MANEA: variants seen among roughly 807,000 people sequenced by gnomAD.
The protein encoded by MANEA is glycoprotein endo-alpha-1,2-mannosidase.
MANEA carries 25 observed loss-of-function variants against 36.8 expected under a neutral mutation model. The observed-to-expected ratio is 0.68, with a 90% CI of 0.50 to 0.95. The LOEUF (loss-of-function observed/expected upper bound fraction) is 0.95. MANEA is among the 40% of genes least tolerant of loss of function. MANEA has a pLI of 0.00. For missense variants in MANEA, 565 were observed against 558.8 expected, an observed-to-expected ratio of 1.01 and a Z score of -0.11; for synonymous variants, 198 against 188.5, an observed-to-expected ratio of 1.05 and a Z score of -0.41.
At chr6:95,605,473 T>C (rs1426439349) in intron 4 of MANEA, among the ~76,000 whole-genome samples, 1 of 152,210 alleles carries the variant, frequency 6.6e-6, no homozygotes, top group African/African-American at 2.4e-5. Flanking sequence ...TTATTTATAA[T>C]GTAGAGACAT....
chr6:95,607,221 T>C lies in MANEA; in HGVS notation c.*816T>C, dbSNP rs1769734047. Reference sequence around the variant, plus strand: ...GAAAAAGTTACTGATTGCTTCTCAGTTATTAGGAAAACAGTTGTTTCACAA... The same window carrying C: ...GAAAAAGTTACTGATTGCTTCTCAGCTATTAGGAAAACAGTTGTTTCACAA... On this transcript the variant is annotated 3_prime_UTR_variant, in exon 5 of 5. Coordinates refer to ENST00000358812, the MANE Select transcript of MANEA (RefSeq NM_024641.4). 1 of 152,150 alleles carries C rather than the reference T, an allele frequency of 6.6e-6. No individual in the cohort carries two copies. Among genetic ancestry groups the C allele is most frequent in the Admixed American group, 6.6e-5 (1 of 15,256 alleles). The allele number at this position is 152,150 out of a possible 1,614,324, so 9.4% of individuals were successfully genotyped here. A position where few individuals can be genotyped will look rare whatever the true frequency, so the allele number is the denominator to read the frequency against.
At chr6:95,604,434 T>C (rs1769663223) in intron 3 of MANEA, among the ~76,000 whole-genome samples, 1 of 151,946 alleles carries the variant, frequency 6.6e-6, no homozygotes, top group African/African-American at 2.4e-5. Context: ...GAAACATTTT[T>C]ATAAGGAGTA....
intron 1 of MANEA, among the ~76,000 whole-genome samples, chr6:95,579,189 A>G (rs1307549715): frequency 6.6e-6 from 1 of 152,204 alleles, no homozygotes; most frequent in Non-Finnish European, 1.5e-5. Flanking sequence ...GCCAACCAAC[A>G]TGGTGAAACC....
intron 3 of MANEA, among the ~76,000 whole-genome samples, chr6:95,603,089 A>C (rs1769630474): frequency 6.6e-6 from 1 of 151,480 alleles, no homozygotes. Flanking sequence ...GAAATTAGAA[A>C]TACATGAGGG....
chr6:95,604,194 A>G (rs1769660312), intron 3 of MANEA, among the ~76,000 whole-genome samples: 1 of 151,634 alleles, frequency 6.6e-6, no homozygotes, highest in African/African-American at 2.4e-5. Context: ...AAATTCTTTA[A>G]TAGAAGTTAA....
At chr6:95,605,632 G>T in intron 4 of MANEA, 116 bp from the exon 5 acceptor site, 1 of 674,492 alleles carries the variant, frequency 1.5e-6, no homozygotes, top group Non-Finnish European at 2.6e-6. Flanking sequence ...ATTCCCCTAA[G>T]AAATGGAGCA....
intron 1 of MANEA, among the ~76,000 whole-genome samples, chr6:95,584,570 C>T (rs1769245254): frequency 6.6e-6 from 1 of 152,206 alleles, no homozygotes; most frequent in African/African-American, 2.4e-5. Context: ...AGTAGGTGCA[C>T]AGCTGAACAT....
chr6:95,602,584 A>G (rs1769612993), intron 3 of MANEA, among the ~76,000 whole-genome samples: 1 of 152,204 alleles, frequency 6.6e-6, no homozygotes. Context: ...GGGAATGTTT[A>G]TATTCTTATT....
In MANEA at chr6:95,586,763, C is replaced by T. The variant is rs1769291280; in HGVS notation, c.324C>T (p.Tyr108=). The change falls in exon 2 of 5, where the codon TAC becomes TAT. Residue 108 remains tyrosine, a synonymous_variant. Coordinates refer to ENST00000358812, the MANE Select transcript of MANEA (RefSeq NM_024641.4). Reference sequence around the variant, plus strand: ...ACAATTATCTACATGTATTTTATTACAGTTGGTATGGAAATCCACAATTTG... The same window carrying T: ...ACAATTATCTACATGTATTTTATTATAGTTGGTATGGAAATCCACAATTTG... ...PLNNYLHVFY[Y]SWYGNPQFDG... is the part of the protein sequence containing the mutation. 1.1e-5 allele frequency: 18 copies of T among 1,613,260 alleles called. No homozygotes were observed. The highest frequency in any genetic ancestry group is 1.4e-5 in the Non-Finnish European group (16 of 1,179,412).
intron 1 of MANEA, among the ~76,000 whole-genome samples, chr6:95,582,065 T>A (rs1411647062): frequency 6.7e-6 from 1 of 148,254 alleles, no homozygotes; most frequent in African/African-American, 2.5e-5. Context: ...TCATGTCTCA[T>A]CAAAATTTTC....
At chr6:95,587,696 A>G (rs1769314240) in intron 2 of MANEA, among the ~76,000 whole-genome samples, 1 of 151,898 alleles carries the variant, frequency 6.6e-6, no homozygotes, top group Non-Finnish European at 1.5e-5. Context: ...GGCTTTTTCA[A>G]ATTTTAGGCA....
chr6:95,606,313 G>C lies in MANEA; in HGVS notation c.1297G>C (p.Gly433Arg). The change falls in exon 5 of 5, where the codon GGT becomes CGT. Residue 433 changes from glycine (G) to arginine (R), a missense_variant. Physicochemically the swap from Gly to Arg is moderately radical, Grantham distance 125 (BLOSUM62 -2). Transcript: ENST00000358812. ...CCTAGATTACCGTCCTCATAAACCA[G>C]GTCTTTACCTAGAACTGACTCGCAA... ...VYLDYRPHKP[G>R]LYLELTRKWS... 1 of 1,611,726 alleles carries C rather than the reference G, an allele frequency of 6.2e-7. No homozygotes were observed. The highest frequency in any genetic ancestry group is 8.5e-7 in the Non-Finnish European group (1 of 1,179,874).
At chr6:95,587,175 T>G in intron 2 of MANEA, 192 bp downstream of exon 2, 1 of 489,358 alleles carries the variant, frequency 2.0e-6, no homozygotes, top group Non-Finnish European at 3.7e-6. Flanking sequence ...TTAGTGTATA[T>G]TGTTTAATTT....
Position 95,586,697 on chromosome 6 carries a change from C to T in MANEA, c.258C>T (p.Ser86=). ...LKSVEITMKP[S]KASELNLDEL... ...GTGTTGAAATCACTATGAAACCTTC[C>T]AAAGCCTCTGAACTTAACTTGGATG... Residue 86 remains serine (S), a synonymous_variant, in exon 2 of 5, where the codon TCC becomes TCT. Transcript: ENST00000358812. The T allele has an allele frequency of 6.2e-7, 1 of 1,613,942 alleles. No individual in the cohort carries two copies. The highest frequency in any genetic ancestry group is 2.2e-5 in the East Asian group (1 of 44,856).
At position 95,604,819 on chromosome 6, in the gene MANEA, T is replaced by C; in HGVS notation, c.655-8T>C. On this transcript the variant is annotated splice_region_variant and splice_polypyrimidine_tract_variant and intron_variant, in intron 3 of 4. Coordinates refer to ENST00000358812, the MANE Select transcript of MANEA (RefSeq NM_024641.4). ...TTATCCCCTAACTGATTTTATTGTTTGTTTTAGGTTACTTTTCACATAGAA... is the reference window on the plus strand; with the variant it reads ...TTATCCCCTAACTGATTTTATTGTTCGTTTTAGGTTACTTTTCACATAGAA... 7.6e-7 allele frequency: 1 copy of C among 1,317,342 alleles called. No individual in the cohort carries two copies. The highest frequency in any genetic ancestry group is 1.5e-5 in the African/African-American group (1 of 65,780). The allele number at this position is 1,317,342 out of a possible 1,614,324, so 81.6% of individuals were successfully genotyped here.
intron 3 of MANEA, 120 bp from the exon 4 acceptor site, chr6:95,604,707 A>G: frequency 6.4e-6 from 3 of 465,234 alleles, no homozygotes; most frequent in Admixed American, 4.4e-5. Context: ...TCTGTGTTCA[A>G]TAAATATTCA....
intron 1 of MANEA, among the ~76,000 whole-genome samples, chr6:95,585,184 G>A (rs1458495142): frequency 3.3e-5 from 5 of 151,674 alleles, no homozygotes; most frequent in African/African-American, 1.2e-4. Context: ...TTCTTAATCA[G>A]CCAAGAAGCA....
chr6:95,588,304 A>G (rs551303858), intron 2 of MANEA: 1 of 152,214 alleles, frequency 6.6e-6, no homozygotes, highest in South Asian at 2.1e-4. Context: ...AGAGAAACAC[A>G]AGAGTCTTTG....
chr6:95,597,003 T>A (rs1045928332), intron 3 of MANEA, among the ~76,000 whole-genome samples, 157 bp downstream of exon 3: 1 of 151,996 alleles, frequency 6.6e-6, no homozygotes, highest in Admixed American at 6.6e-5. Flanking sequence ...TAATAGGAAT[T>A]TCAATCTTAT....
Sources: gnomAD v4.1 joint callset for allele counts (sites outside exome capture counted in the v4.1 genomes callset) on GRCh38, gnomAD v4.1.1 for gene constraint, MANE v1.5 for transcripts, NCBI Gene and HGNC (gene_info 2026-07-23, HGNC 2026-07-21) for gene names.